OR52I2: variants seen among roughly 807,000 people sequenced by gnomAD.
OR52I2 encodes olfactory receptor family 52 subfamily I member 2.
For synonymous variants in OR52I2, 147 were observed against 151.9 expected (o/e 0.97, Z 0.24); for missense variants, 350 against 402.4 (o/e 0.87, Z 1.11).
At chr11:4,584,413 C>G (rs773810871) in intron 1 of OR52I2, among the ~76,000 whole-genome samples, 2 of 152,170 alleles carry the variant, frequency 1.3e-5, no homozygotes, top group Non-Finnish European at 1.5e-5. Flanking sequence ...TGTGACCAAC[C>G]TACATGTCCA....
At chr11:4,587,389 G>A (rs769778325) in exon 2 of OR52I2, 47 of 1,613,622 alleles carry the variant, frequency 2.9e-5, no homozygotes, top group Non-Finnish European at 4.0e-5. Context: ...GAGTTGGATG[G>A]TGAGTCATCT....
intron 1 of OR52I2, among the ~76,000 whole-genome samples, chr11:4,582,994 A>C (rs893898502): frequency 6.6e-6 from 1 of 152,186 alleles, no homozygotes; most frequent in Non-Finnish European, 1.5e-5. Flanking sequence ...ATTTTCCAGC[A>C]TGTCCATAAT....
chr11:4,593,115 G>C (rs945231048), exon 2 of OR52I2: 1 of 152,316 alleles, frequency 6.6e-6, no homozygotes, highest in African/African-American at 2.4e-5. Context: ...CATAGTACTG[G>C]CACATACTGT....
intron 1 of OR52I2, 81 bp from the exon 2 acceptor site, chr11:4,586,791 C>T: frequency 6.2e-7 from 1 of 1,600,932 alleles, no homozygotes; most frequent in Non-Finnish European, 8.5e-7. Flanking sequence ...CTGAGAATAT[C>T]CTTAGGTTTT....
intron 1 of OR52I2, chr11:4,586,646 C>T (rs1034731229): frequency 2.0e-5 from 13 of 635,906 alleles, no homozygotes; most frequent in Non-Finnish European, 3.5e-5. Context: ...AAAAGGCTTT[C>T]CAAAGGAGGT....
rs1564860590 is a variant in OR52I2, at chr11:4,588,005, G to A, written c.*140G>A. On this transcript the variant is annotated 3_prime_UTR_variant, in exon 2 of 2. Coordinates refer to ENST00000641896, the Ensembl canonical transcript of OR52I2. ...TAACTTTTCAATTACTAGCAGGAATGTGAATGAAATGTTTCTGATTTTCTG... is the reference window on the plus strand; with the variant it reads ...TAACTTTTCAATTACTAGCAGGAATATGAATGAAATGTTTCTGATTTTCTG... 6 of 708,052 alleles carry A rather than the reference G, an allele frequency of 8.5e-6. No individual in the cohort carries two copies. The East Asian group carries it at 1.0e-4, about 12-fold the overall frequency. 43.9% of individuals were successfully genotyped at this position (708,052 alleles called of 1,614,324 possible).
rs774711680 is a variant in OR52I2 at position 4,587,667 on chromosome 11, G to C, written c.777G>C (p.Gly259=). The change falls in exon 2 of 2, where the codon GGG becomes GGC. Residue 259 remains glycine (G), a synonymous_variant. Transcript: ENST00000641896. ...TTATGGCTTTGTACTATCTACCTGGGATGGCATCCATCTATGCGGCCTGGT... is the reference window on the plus strand; with the variant it reads ...TTATGGCTTTGTACTATCTACCTGGCATGGCATCCATCTATGCGGCCTGGT... 2.5e-6 allele frequency: 4 copies of C among 1,614,072 alleles called. No homozygotes were observed. The African/African-American group carries it at 5.3e-5, about 22-fold the overall frequency.
chr11:4,586,733 G>A, intron 1 of OR52I2, 139 bp from the exon 2 acceptor site: 1 of 1,162,434 alleles, frequency 8.6e-7, no homozygotes, highest in Non-Finnish European at 1.2e-6. Flanking sequence ...AGTGGTACAG[G>A]ATAATTTTGT....
At chr11:4,587,520 G>A (rs1355202012) in exon 2 of OR52I2, 2 of 1,614,160 alleles carry the variant, frequency 1.2e-6, no homozygotes, top group Middle Eastern at 1.6e-4. Context: ...CCTCTCTTAT[G>A]GTGGGCTCTG....
rs775898224 is a variant in OR52I2 at position 4,587,050 on chromosome 11, T to C, written c.160T>C (p.Trp54Arg). The C allele has an allele frequency of 1.9e-6, 3 of 1,614,042 alleles. No individual in the cohort carries two copies. The African/African-American group carries it at 4.0e-5, about 22-fold the overall frequency. ...AAACACCATCATCGTGACTGCAATC[T>C]GGATGGATTCCACTCGGCATGAGCC... The change falls in exon 2 of 2, where the codon TGG becomes CGG. Residue 54 changes from tryptophan (W) to arginine (R), a missense_variant. Physicochemically the swap from Trp to Arg is moderately radical, Grantham distance 101 (BLOSUM62 -3). Transcript: ENST00000641896.
chr11:4,587,780 A>G lies in OR52I2; in HGVS notation c.890A>G (p.Tyr297Cys), dbSNP rs141714712. 13 of 1,614,040 alleles carry G rather than the reference A, an allele frequency of 8.1e-6. No homozygotes were observed. The highest frequency in any genetic ancestry group is 1.1e-5 in the Non-Finnish European group (13 of 1,179,994). ...CCAGCCACCTTAAATCCCATCATCT[A>G]TGGCATGAGGACCAAACAACTGCGG... Residue 297 changes from tyrosine (Y) to cysteine (C), a missense_variant, in exon 2 of 2, where the codon TAT (tyrosine) becomes TGT (cysteine). Physicochemically the swap from Tyr to Cys is radical, Grantham distance 194 (BLOSUM62 -2). Coordinates refer to ENST00000641896, the Ensembl canonical transcript of OR52I2.
At chr11:4,583,059 G>C (rs1409874098) in intron 1 of OR52I2, among the ~76,000 whole-genome samples, 1 of 152,034 alleles carries the variant, frequency 6.6e-6, no homozygotes, top group Non-Finnish European at 1.5e-5. Flanking sequence ...GAGATGTTTT[G>C]GTAAAACAGG....
chr11:4,585,696 C>G (rs1846294878), intron 1 of OR52I2, among the ~76,000 whole-genome samples: 1 of 152,174 alleles, frequency 6.6e-6, no homozygotes, highest in Non-Finnish European at 1.5e-5. Flanking sequence ...TTGTTTTATC[C>G]ACAGTTGTCT....
chr11:4,592,066 C>G (rs1846354087), exon 2 of OR52I2: 1 of 152,146 alleles, frequency 6.6e-6, no homozygotes, highest in Non-Finnish European at 1.5e-5. Context: ...ATGTGGTCTT[C>G]AAATCACATA....
exon 2 of OR52I2, chr11:4,588,054 C>G (rs1212573921): frequency 1.7e-6 from 1 of 596,264 alleles, no homozygotes; most frequent in African/African-American, 1.9e-5. Flanking sequence ...TGGATTCAAT[C>G]AACTTGTATC....
In OR52I2 at chr11:4,583,189, A is replaced by T. The variant is rs1589842425; in HGVS notation, c.-20+1325A>T. On this transcript the variant is annotated intron_variant, in intron 1 of 1. Coordinates refer to ENST00000641896, the Ensembl canonical transcript of OR52I2. Reference sequence around the variant, plus strand: ...ATTTTAAAAAGAAACAGCCAACAAAATCAAATATCCTGTTCTTTGAAAAGA... The same window carrying T: ...ATTTTAAAAAGAAACAGCCAACAAATTCAAATATCCTGTTCTTTGAAAAGA... 2.0e-5 allele frequency among the ~76,000 whole-genome samples: 3 copies of T among 152,220 alleles called. No individual in the cohort carries two copies. The South Asian group carries it at 6.2e-4, about 32-fold the overall frequency.
At chr11:4,583,308 A>G (rs1404485443) in intron 1 of OR52I2, among the ~76,000 whole-genome samples, 3 of 152,166 alleles carry the variant, frequency 2.0e-5, no homozygotes, top group African/African-American at 7.2e-5. Context: ...CATGAAAGGT[A>G]TGCCCAGTTA....
At chr11:4,590,585 C>G (rs922357465) in exon 2 of OR52I2, 3 of 152,124 alleles carry the variant, frequency 2.0e-5, no homozygotes, top group African/African-American at 7.2e-5. Flanking sequence ...CTGAGGCTGC[C>G]TCTTGAAGAA....
At chr11:4,588,096 A>T (rs113846139) in exon 2 of OR52I2, 1 of 544,630 alleles carries the variant, frequency 1.8e-6, no homozygotes, top group African/African-American at 1.9e-5. Context: ...TAGAGAATAC[A>T]CATTTGATTG....
Sources: gnomAD v4.1 joint callset for allele counts (sites outside exome capture counted in the v4.1 genomes callset) on GRCh38, gnomAD v4.1.1 for gene constraint, MANE v1.5 for transcripts, NCBI Gene and HGNC (gene_info 2026-07-23, HGNC 2026-07-21) for gene names.